The following MAP3K20 variants were observed in gnomAD, a reference collection of about 807,000 sequenced individuals.
MAP3K20 encodes the protein mitogen-activated protein kinase kinase kinase 20.
A neutral mutation model predicts 85.7 loss-of-function variants in MAP3K20; 40 were observed. That is an observed-to-expected ratio of 0.47 (90% CI 0.36 to 0.61). The LOEUF (loss-of-function observed/expected upper bound fraction) is 0.61. Among genes scored for constraint, MAP3K20 ranks in the 20% least tolerant of loss-of-function variants. The pLI is 0.00. For synonymous variants in MAP3K20, 325 were observed against 327.7 expected (o/e 0.99, Z 0.09); for missense variants, 817 against 961.7 (o/e 0.85, Z 1.99).
intron 11 of MAP3K20, chr2:173,226,902 GT>G: frequency 1.0e-6 from 1 of 984,824 alleles, no homozygotes; most frequent in Non-Finnish European, 1.2e-6. Flanking sequence ...CTATTGCAAT[GT>G]TATTCTGAGC....
intron 4 of MAP3K20, among the ~76,000 whole-genome samples, chr2:173,185,101 C>T (rs926846163): frequency 1.3e-5 from 2 of 152,056 alleles, no homozygotes; most frequent in African/African-American, 2.4e-5. Context: ...TTTAGCCAGG[C>T]GTGGTGGCGC....
intron 1 of MAP3K20, chr2:173,090,718 G>A: frequency 1.9e-6 from 2 of 1,040,818 alleles, no homozygotes; most frequent in Non-Finnish European, 1.2e-6. Context: ...CTTGGGATGA[G>A]TAGGAAGTGC....
rs377373658 is a variant in MAP3K20 at position 173,190,472 on chromosome 2, G to GT, written c.416-422dup. ...ATTAAATGAATGAATGTATGAACAA[G>GT]TGAATGAATGAATATTCTCTCCACC... On this transcript the variant is annotated intron_variant, in intron 5 of 19. Coordinates refer to ENST00000375213, the MANE Select transcript of MAP3K20 (RefSeq NM_016653.3). Among the ~76,000 whole-genome samples the GT allele has an allele frequency of 1.1e-4, 17 of 152,322 alleles. 1 individual carries two copies. Among genetic ancestry groups the GT allele is most frequent in the African/African-American group, 4.1e-4 (17 of 41,566 alleles).
chr2:173,233,823 C>G (rs779227328), intron 14 of MAP3K20, among the ~76,000 whole-genome samples: 3 of 152,196 alleles, frequency 2.0e-5, no homozygotes, highest in Non-Finnish European at 2.9e-5. Flanking sequence ...AACATCCTTA[C>G]GGACTCTCAG....
rs1684723071 is a variant in MAP3K20 at position 173,239,211 on chromosome 2, G to A, written c.1267-193G>A. On this transcript the variant is annotated intron_variant, in intron 15 of 19. Coordinates refer to ENST00000375213, the MANE Select transcript of MAP3K20 (RefSeq NM_016653.3). ...TGAACTGCATGAAATAAATCATTTG[G>A]CAAAGTCCTGAAAGGCATAATATGT... Among the ~76,000 whole-genome samples, 3 of 151,860 alleles carry A rather than the reference G, an allele frequency of 2.0e-5. No individual in the cohort carries two copies. The South Asian group carries it at 6.2e-4, about 32-fold the overall frequency.
intron 3 of MAP3K20, among the ~76,000 whole-genome samples, chr2:173,175,275 T>G (rs983599019): frequency 1.3e-5 from 2 of 152,210 alleles, no homozygotes; most frequent in Admixed American, 1.3e-4. Flanking sequence ...ATAAGTTGAC[T>G]CATTCTTTTC....
At chr2:173,107,585 C>T (rs1347328657) in intron 2 of MAP3K20, among the ~76,000 whole-genome samples, 5 of 152,142 alleles carry the variant, frequency 3.3e-5, no homozygotes, top group Admixed American at 2.0e-4. Context: ...TTCTGCCTTG[C>T]GCTGCAAATG....
intron 2 of MAP3K20, among the ~76,000 whole-genome samples, chr2:173,148,585 A>G (rs1689205030): frequency 6.6e-6 from 1 of 152,174 alleles, no homozygotes; most frequent in African/African-American, 2.4e-5. Flanking sequence ...AAAGACAAGA[A>G]AGGGGCAGAG....
At chr2:173,233,446 GTTT>G (rs1684567957) in intron 14 of MAP3K20, among the ~76,000 whole-genome samples, 1 of 152,090 alleles carries the variant, frequency 6.6e-6, no homozygotes, top group African/African-American at 2.4e-5. Flanking sequence ...TTTTTTGTTT[GTTT>G]TTGTTTTTTC....
rs896709443 is a variant in MAP3K20 at position 173,226,121 on chromosome 2, ATT to A, written c.988-3566_988-3565del. ...ACCAGTGATTTTTAACGTGCAGTGAATTTGTTAGACTTTTAAACACCAGCTAA... is the reference window on the plus strand; with the variant it reads ...ACCAGTGATTTTTAACGTGCAGTGAATGTTAGACTTTTAAACACCAGCTAA... On this transcript the variant is annotated intron_variant, in intron 11 of 19. Transcript: ENST00000375213. 2.1e-5 allele frequency: 21 copies of A among 980,658 alleles called. No homozygotes were observed. The African/African-American group carries it at 3.7e-4, about 17-fold the overall frequency. The allele number at this position is 980,658 out of a possible 1,614,324, so 60.7% of individuals were successfully genotyped here. A position where few individuals can be genotyped will look rare whatever the true frequency, so the allele number is the denominator to read the frequency against.
intron 11 of MAP3K20, chr2:173,223,391 A>G (rs571363381): frequency 3.3e-6 from 3 of 921,392 alleles, no homozygotes; most frequent in South Asian, 5.0e-5. Flanking sequence ...AAGAAATAAT[A>G]TATGTAAAGC....
chr2:173,136,470 C>T (rs1340146764), intron 2 of MAP3K20, among the ~76,000 whole-genome samples: 7 of 152,174 alleles, frequency 4.6e-5, no homozygotes, highest in Admixed American at 4.6e-4. Context: ...GGATTGTGTT[C>T]TCTGCAGTGC....
chr2:173,199,638 C>G (rs1391892911), intron 8 of MAP3K20, among the ~76,000 whole-genome samples: 5 of 149,524 alleles, frequency 3.3e-5, no homozygotes, highest in Non-Finnish European at 5.9e-5. Flanking sequence ...CTGCACTATT[C>G]CAAGATAAAC....
intron 11 of MAP3K20, chr2:173,221,467 A>AGGTGAC: frequency 1.2e-6 from 2 of 1,612,420 alleles, no homozygotes; most frequent in Non-Finnish European, 1.7e-6. Context: ...ACTTGTCAGA[A>AGGTGAC]GGTGACGATG....
chr2:173,078,297 TA>T (rs1167399535), intron 1 of MAP3K20, among the ~76,000 whole-genome samples: 3 of 152,192 alleles, frequency 2.0e-5, no homozygotes, highest in Non-Finnish European at 4.4e-5. Context: ...ATGTTGGAAA[TA>T]AAAATGAATT....
intron 19 of MAP3K20, among the ~76,000 whole-genome samples, chr2:173,264,371 T>C (rs961089400): frequency 2.6e-5 from 4 of 152,230 alleles, no homozygotes; most frequent in Non-Finnish European, 5.9e-5. Context: ...CTTTCTGCCC[T>C]GCCATGCTCA....
In MAP3K20 at chr2:173,266,586, C is replaced by G. The variant is rs1295883653; in HGVS notation, c.2239C>G (p.Pro747Ala). 1.2e-6 allele frequency: 2 copies of G among 1,613,662 alleles called. No individual in the cohort carries two copies. The highest frequency in any genetic ancestry group is 1.7e-6 in the Non-Finnish European group (2 of 1,179,936). The change falls in exon 20 of 20, where the codon CCT (proline) becomes GCT (alanine). Residue 747 changes from proline to alanine, a missense_variant. Pro to Ala is a conservative substitution (Grantham distance 27). Around this residue, in one of 4 missense-constraint regions of MAP3K20, gnomAD observed 454 missense variants for 476.9 expected, o/e 0.95. Transcript: ENST00000375213. ...CCAACCCAACACCATACCAGGGATGCCTTTGCACCCTGAGACTGACTCAAG... is the reference window on the plus strand; with the variant it reads ...CCAACCCAACACCATACCAGGGATGGCTTTGCACCCTGAGACTGACTCAAG... ...LHQPNTIPGMPLHPETDSRAS... is the reference protein window; with the variant it reads ...LHQPNTIPGMALHPETDSRAS...
intron 8 of MAP3K20, among the ~76,000 whole-genome samples, chr2:173,201,433 C>G (rs1187942427): frequency 6.6e-6 from 1 of 152,024 alleles, no homozygotes; most frequent in African/African-American, 2.4e-5. Flanking sequence ...TACTTAAATT[C>G]TTACATATGT....
rs1229884698 is a variant in MAP3K20, at chr2:173,266,071, A to G, written c.1724A>G (p.Asp575Gly). The change falls in exon 20 of 20, where the codon GAT (aspartate) becomes GGT (glycine). Residue 575 changes from aspartate (D) to glycine (G), a missense_variant. Asp to Gly is a moderately conservative substitution (Grantham distance 94). Coordinates refer to ENST00000375213, the MANE Select transcript of MAP3K20 (RefSeq NM_016653.3). The part of the protein sequence containing the change: ...SDSSADCQWL[D>G]TLRMRQIASN... ...GCAGGTGCTGATTGCCAGTGGTTAG[A>G]TACTCTGAGGATGCGGCAGATTGCA... is the stretch of plus-strand genomic sequence containing the variant. The G allele has an allele frequency of 6.3e-7, 1 of 1,579,932 alleles. No homozygotes were observed.
Sources: allele counts gnomAD v4.1 joint callset (sites outside exome capture counted in the v4.1 genomes callset), GRCh38; gene constraint gnomAD v4.1.1; regional missense constraint gnomAD v4.1.1; transcripts MANE v1.5; gene names NCBI Gene and HGNC (gene_info 2026-07-23, HGNC 2026-07-21).